The following SEMA5A variants were observed in gnomAD, a reference collection of about 807,000 sequenced individuals.
SEMA5A encodes the protein semaphorin-5A.
Under a neutral mutation model 135.5 loss-of-function variants are expected in SEMA5A, and 55 were observed. The observed-to-expected ratio is 0.41, with a 90% confidence interval of 0.33 to 0.51. SEMA5A has a LOEUF of 0.51. Ranked by LOEUF, SEMA5A falls within the 20% of genes least tolerant of loss-of-function variation. SEMA5A has a pLI of 0.37. For missense variants in SEMA5A, 1,290 were observed against 1,419.9 expected (o/e 0.91, Z 1.47); for synonymous variants, 580 against 546.5 (o/e 1.06, Z -0.85).
At chr5:9,171,279 GC>G (rs1206627072) in intron 11 of SEMA5A, among the ~76,000 whole-genome samples, 12 of 152,222 alleles carry the variant, frequency 7.9e-5, no homozygotes, top group African/African-American at 2.6e-4. Context: ...GTGAGCATAA[GC>G]CCAAGGATTG....
intron 18 of SEMA5A, among the ~76,000 whole-genome samples, chr5:9,058,502 A>G (rs1440727379): frequency 6.6e-6 from 1 of 152,256 alleles, no homozygotes. Context: ...CTTTCAAGGA[A>G]TCAAAGCAAT....
intron 5 of SEMA5A, among the ~76,000 whole-genome samples, chr5:9,243,083 G>A (rs1182799504): frequency 4.6e-5 from 7 of 152,208 alleles, no homozygotes; most frequent in Non-Finnish European, 8.8e-5. Context: ...ATTGGGAGTT[G>A]ACAATGTATT....
chr5:9,221,789 G>C (rs1747014268), intron 8 of SEMA5A, among the ~76,000 whole-genome samples: 1 of 152,152 alleles, frequency 6.6e-6, no homozygotes, highest in Non-Finnish European at 1.5e-5. Flanking sequence ...GGCTTACTGG[G>C]AAAAACCCTT....
rs1259840027 is a variant in SEMA5A, at chr5:9,545,265, G to A, written c.-175+319C>T. Among the ~76,000 whole-genome samples, 1 of 152,104 alleles carries A rather than the reference G, an allele frequency of 6.6e-6. No individual in the cohort carries two copies. Among genetic ancestry groups the A allele is most frequent in the East Asian group, 1.9e-4 (1 of 5,146 alleles). On this transcript the variant is annotated intron_variant, in intron 1 of 22. Transcript: ENST00000382496. This position sits in a 1 kb window ranked among gnomAD's most constrained non-coding sequence, Gnocchi z 4.5. ...ACAGACCAGTGTGCGCACCTTTCCG[G>A]GTGTTGGGCAGGGGTCCCGTCTCGC... is the stretch of plus-strand genomic sequence containing the variant.
At chr5:9,208,354 C>T (rs943649508) in intron 8 of SEMA5A, among the ~76,000 whole-genome samples, 2 of 152,190 alleles carry the variant, frequency 1.3e-5, no homozygotes, top group African/African-American at 2.4e-5. Context: ...GGCCAGAGTA[C>T]TGCTCTAGGC....
intron 16 of SEMA5A, among the ~76,000 whole-genome samples, chr5:9,082,996 A>T (rs767851533): frequency 2.0e-5 from 3 of 152,244 alleles, no homozygotes; most frequent in Non-Finnish European, 4.4e-5. Context: ...CAGAGTTTAC[A>T]TGAAGCTGTC....
intron 3 of SEMA5A, among the ~76,000 whole-genome samples, chr5:9,349,926 C>A (rs201180313): frequency 0.061 from 9,033 of 147,754 alleles, 287 homozygotes; most frequent in Admixed American, 0.068. Flanking sequence ...AACAAACAAA[C>A]AAAAAAAAAA....
At chr5:9,457,211 G>A (rs755363857) in intron 1 of SEMA5A, among the ~76,000 whole-genome samples, 3 of 152,192 alleles carry the variant, frequency 2.0e-5, no homozygotes, top group South Asian at 2.1e-4. Flanking sequence ...AAGAGGAAAC[G>A]TGGTAAACCT....
chr5:9,424,174 GA>G (rs199716679), intron 2 of SEMA5A, among the ~76,000 whole-genome samples: 5 of 150,882 alleles, frequency 3.3e-5, no homozygotes, highest in East Asian at 1.9e-4. Context: ...CTGATTGTGA[GA>G]AAAAAAAAGG....
intron 17 of SEMA5A, among the ~76,000 whole-genome samples, chr5:9,066,216 C>T (rs1311039583): frequency 6.6e-6 from 1 of 152,200 alleles, no homozygotes; most frequent in Non-Finnish European, 1.5e-5. Context: ...CATAGTATCA[C>T]TTCAATATCT....
At chr5:9,455,486 G>A (rs1412727287) in intron 1 of SEMA5A, among the ~76,000 whole-genome samples, 2 of 151,942 alleles carry the variant, frequency 1.3e-5, no homozygotes, top group Admixed American at 6.5e-5. Context: ...TCAATCTCCT[G>A]ACTTTGTGAT....
At chr5:9,443,565 G>T (rs1561257370) in intron 1 of SEMA5A, among the ~76,000 whole-genome samples, 1 of 152,208 alleles carries the variant, frequency 6.6e-6, no homozygotes, top group African/African-American at 2.4e-5. Flanking sequence ...GTGACATATA[G>T]ATAGTAAAAT....
intron 1 of SEMA5A, chr5:9,522,831 T>C (rs1282175009): frequency 6.6e-6 from 1 of 152,240 alleles, no homozygotes; most frequent in African/African-American, 2.4e-5. Context: ...AGAACTGGTC[T>C]TCAACTGAAA....
chr5:9,403,210 C>T (rs1036306155), intron 2 of SEMA5A, among the ~76,000 whole-genome samples: 2 of 152,156 alleles, frequency 1.3e-5, no homozygotes, highest in South Asian at 4.1e-4. Flanking sequence ...ATTGTATATA[C>T]CCCTTATTAT....
intron 5 of SEMA5A, among the ~76,000 whole-genome samples, chr5:9,282,612 C>T (rs944766826): frequency 2.0e-5 from 3 of 152,006 alleles, no homozygotes; most frequent in Admixed American, 6.5e-5. Context: ...AAGAAAAAAA[C>T]AGTATAATCT....
intron 18 of SEMA5A, among the ~76,000 whole-genome samples, chr5:9,056,689 C>T (rs899391880): frequency 6.6e-6 from 1 of 152,118 alleles, no homozygotes; most frequent in African/African-American, 2.4e-5. Context: ...GCCAATGCAT[C>T]CAGCATGGCT....
At chr5:9,185,081 C>T (rs1291901668) in intron 11 of SEMA5A, among the ~76,000 whole-genome samples, 2 of 152,178 alleles carry the variant, frequency 1.3e-5, no homozygotes, top group Admixed American at 6.5e-5. Context: ...GTGCTCACCA[C>T]CATACCTGCC....
intron 16 of SEMA5A, among the ~76,000 whole-genome samples, chr5:9,087,118 T>C (rs921659691): frequency 6.6e-6 from 1 of 152,208 alleles, no homozygotes; most frequent in African/African-American, 2.4e-5. Flanking sequence ...TGTGAGGACA[T>C]CATCTAAATC....
At chr5:9,286,407 T>A (rs1750799213) in intron 5 of SEMA5A, among the ~76,000 whole-genome samples, 1 of 152,150 alleles carries the variant, frequency 6.6e-6, no homozygotes, top group South Asian at 2.1e-4. Context: ...TCCCCCAGAC[T>A]CTGACACCCC....
Sources: allele counts gnomAD v4.1 joint callset (sites outside exome capture counted in the v4.1 genomes callset), GRCh38; gene constraint gnomAD v4.1.1; non-coding constraint Gnocchi (gnomAD v3.1); transcripts MANE v1.5; gene names NCBI Gene and HGNC (gene_info 2026-07-23, HGNC 2026-07-21).